NFASC: variants seen among roughly 807,000 people sequenced by gnomAD.
NFASC encodes neurofascin.
NFASC carries 43 observed loss-of-function variants against 147.5 expected under a neutral mutation model. The ratio of observed to expected loss-of-function variants is 0.29; its 90% confidence interval spans 0.23 to 0.38. The LOEUF (loss-of-function observed/expected upper bound fraction) is 0.38, where lower values mean the gene tolerates loss of function less well. Among genes scored for constraint, NFASC ranks in the 10% least tolerant of loss-of-function variants. The probability of loss-of-function intolerance (pLI) is 1.00; values close to 1 mark genes in which losing one functional copy is unlikely to be tolerated. For synonymous variants in NFASC, 622 were observed against 665.5 expected (o/e 0.93, Z 1.01); for missense variants, 1,320 against 1,689.0 (o/e 0.78, Z 3.83).
At chr1:204,845,229 G>T (rs1476953861) in intron 1 of NFASC, among the ~76,000 whole-genome samples, 1 of 151,456 alleles carries the variant, frequency 6.6e-6, no homozygotes, top group Non-Finnish European at 1.5e-5. Flanking sequence ...TGGTGCTCCT[G>T]CTCTGTCAGT....
chr1:204,830,321 G>A (rs1671853811), intron 1 of NFASC, among the ~76,000 whole-genome samples: 1 of 152,170 alleles, frequency 6.6e-6, no homozygotes, highest in Non-Finnish European at 1.5e-5. Context: ...CAGGGAAAAT[G>A]TGTGTGAAGA....
intron 1 of NFASC, among the ~76,000 whole-genome samples, chr1:204,902,185 T>C (rs1356550132): frequency 6.6e-6 from 1 of 152,054 alleles, no homozygotes; most frequent in African/African-American, 2.4e-5. Context: ...GTCACAGCTA[T>C]TCAGTAGGCT....
intron 1 of NFASC, among the ~76,000 whole-genome samples, chr1:204,886,276 A>G (rs935184002): frequency 6.6e-6 from 1 of 152,240 alleles, no homozygotes; most frequent in African/African-American, 2.4e-5. Context: ...TTTTAAGGAC[A>G]GCACTCATTT....
At chr1:204,920,151 C>T (rs2090147969) in intron 1 of NFASC, among the ~76,000 whole-genome samples, 1 of 152,272 alleles carries the variant, frequency 6.6e-6, no homozygotes, top group Non-Finnish European at 1.5e-5. Flanking sequence ...CATCTCCTGA[C>T]CCTAAAATTG....
chr1:204,851,685 C>T (rs1405650830), intron 1 of NFASC, among the ~76,000 whole-genome samples: 1 of 152,102 alleles, frequency 6.6e-6, no homozygotes. Flanking sequence ...CAGTATGTGC[C>T]ATTGCTAAAT....
intron 1 of NFASC, among the ~76,000 whole-genome samples, chr1:204,853,539 T>C (rs1429200073): frequency 5.3e-5 from 8 of 152,216 alleles, no homozygotes; most frequent in African/African-American, 1.9e-4. Flanking sequence ...GGAAGCCAAC[T>C]GAAGCATAGG....
intron 1 of NFASC, among the ~76,000 whole-genome samples, chr1:204,891,080 G>A (rs2082300912): frequency 6.6e-6 from 1 of 152,212 alleles, no homozygotes. Flanking sequence ...TCATACTTGA[G>A]AGTAGAATGT....
chr1:204,985,204 C>A (rs1215702700), intron 21 of NFASC, among the ~76,000 whole-genome samples: 1 of 152,174 alleles, frequency 6.6e-6, no homozygotes, highest in African/African-American at 2.4e-5. Context: ...TTCTTACCCA[C>A]TGCTAATTAG....
At chr1:204,880,275 T>C (rs962640910) in intron 1 of NFASC, among the ~76,000 whole-genome samples, 4 of 152,206 alleles carry the variant, frequency 2.6e-5, no homozygotes, top group African/African-American at 9.7e-5. Flanking sequence ...GGCTGAAATC[T>C]CTTAGGAATG....
chr1:204,902,473 G>A lies in NFASC; in HGVS notation c.-199-18159G>A, dbSNP rs956823029. On this transcript the variant is annotated intron_variant, in intron 1 of 29. Coordinates refer to ENST00000339876, the MANE Select transcript of NFASC (RefSeq NM_001005388.3). ...AGTGGATATTTGATCCTATTAAAACGATTAATATTGGAGGTGAAATAATGT... is the reference window on the plus strand; with the variant it reads ...AGTGGATATTTGATCCTATTAAAACAATTAATATTGGAGGTGAAATAATGT... Among the ~76,000 whole-genome samples the A allele has an allele frequency of 4.6e-5, 7 of 152,154 alleles. 1 individual carries two copies. In the East Asian group the frequency reaches 9.6e-4, roughly 21 times the overall value.
chr1:204,924,531 T>A (rs1328226985), intron 2 of NFASC, among the ~76,000 whole-genome samples: 3 of 152,126 alleles, frequency 2.0e-5, no homozygotes. Context: ...GGTGGGACAT[T>A]GGTGGAAGAA....
At chr1:204,886,584 A>G (rs898113668) in intron 1 of NFASC, among the ~76,000 whole-genome samples, 2 of 152,224 alleles carry the variant, frequency 1.3e-5, no homozygotes, top group African/African-American at 2.4e-5. Context: ...GAGGGGCCCA[A>G]TAATTTGCAT....
rs970225730 is a variant in NFASC at position 205,022,431 on chromosome 1, C to T, written c.*5892C>T. The T allele has an allele frequency of 6.6e-6, 1 of 152,362 alleles. No homozygotes were observed. Among genetic ancestry groups the T allele is most frequent in the African/African-American group, 2.4e-5 (1 of 41,374 alleles). 9.4% of individuals were successfully genotyped at this position (152,362 alleles called of 1,614,324 possible). A position where few individuals can be genotyped will look rare whatever the true frequency, so the allele number is the denominator to read the frequency against. On this transcript the variant is annotated 3_prime_UTR_variant, in exon 30 of 30. Transcript: ENST00000339876. ...CCCACCATTCCAATTTGTTCTTTCC[C>T]GTGGGGAATTTTTTTTCCCAGCGTC...
At chr1:204,892,653 C>T (rs2082633177) in intron 1 of NFASC, among the ~76,000 whole-genome samples, 1 of 152,226 alleles carries the variant, frequency 6.6e-6, no homozygotes, top group South Asian at 2.1e-4. Context: ...TTAATGTAAA[C>T]TATCTCGTTA....
At chr1:204,936,194 C>CTTTTTTTTTTTTTTTT (rs1288327632) in intron 2 of NFASC, among the ~76,000 whole-genome samples, 1 of 63,814 alleles carries the variant, frequency 1.6e-5, no homozygotes, top group Non-Finnish European at 3.2e-5. Context: ...CTCTCTCTCT[C>CTTTTTTTTTTTTTTTT]TTTCTTTTTC....
At chr1:204,988,545 G>A in intron 22 of NFASC, 88 bp from the exon 23 acceptor site, 2 of 1,244,184 alleles carry the variant, frequency 1.6e-6, no homozygotes, top group Non-Finnish European at 2.3e-6. Context: ...AGCAAAGTCA[G>A]GAAAGTGTTC....
rs1265320586 is a variant in NFASC, at chr1:204,954,436, G to C, written c.412+52G>C. ...TGCCCTGCTCCTGGGTAAATGGAGA[G>C]TGGGGGGTGTGGAAGGCCATTCCAG... On this transcript the variant is annotated intron_variant, in intron 6 of 29. Transcript: ENST00000339876. This position sits in a 1 kb window ranked among gnomAD's most constrained non-coding sequence, Gnocchi z 5.7. The C allele has an allele frequency of 1.3e-6, 2 of 1,557,436 alleles. No individual in the cohort carries two copies. Among genetic ancestry groups the C allele is most frequent in the Middle Eastern group, 1.9e-4 (1 of 5,316 alleles).
chr1:204,852,312 AAAATGGCG>A (rs2075769703), intron 1 of NFASC, among the ~76,000 whole-genome samples: 1 of 152,204 alleles, frequency 6.6e-6, no homozygotes, highest in Non-Finnish European at 1.5e-5. Context: ...CAGCCTGGCC[AAAATGGCG>A]AAACCCCATC....
intron 1 of NFASC, among the ~76,000 whole-genome samples, chr1:204,905,338 CTTCACATCCT>C (rs1353377014): frequency 6.6e-6 from 1 of 151,510 alleles, no homozygotes; most frequent in Non-Finnish European, 1.5e-5. Flanking sequence ...AAGGCTCCAA[CTTCACATCCT>C]TTCCAGCTTT....
Sources: gnomAD v4.1 joint callset for allele counts (sites outside exome capture counted in the v4.1 genomes callset) on GRCh38, gnomAD v4.1.1 for gene constraint, Gnocchi (gnomAD v3.1) non-coding constraint, MANE v1.5 for transcripts, NCBI Gene and HGNC (gene_info 2026-07-23, HGNC 2026-07-21) for gene names.